Variants in CHIC1 observed in about 807,000 individuals in gnomAD.
CHIC1 encodes the protein cysteine-rich hydrophobic domain-containing protein 1.
A neutral mutation model predicts 18.5 loss-of-function variants in CHIC1; 7 were observed. The ratio of observed to expected loss-of-function variants is 0.38; its 90% CI spans 0.22 to 0.71. The LOEUF (loss-of-function observed/expected upper bound fraction) is 0.71, where lower values mean the gene tolerates loss of function less well. Among genes scored for constraint, CHIC1 ranks in the 30% least tolerant of loss-of-function variants. The pLI, the probability that CHIC1 is intolerant of heterozygous loss-of-function variation, is 0.49. For synonymous variants in CHIC1, 77 were observed against 73.5 expected, an observed-to-expected ratio of 1.05 and a Z score of -0.25; for missense variants, 159 against 176.9, an observed-to-expected ratio of 0.90 and a Z score of 0.57.
chrX:73,606,147 A>G (rs2057682589), intron 3 of CHIC1, among the ~76,000 whole-genome samples: 3 of 106,953 alleles, frequency 2.8e-5, no homozygotes, highest in Middle Eastern at 9.3e-3. Flanking sequence ...CTCTTTTTAC[A>G]TAGTCCCATG....
intron 3 of CHIC1, among the ~76,000 whole-genome samples, chrX:73,670,179 TG>T (rs2058023194): frequency 9.0e-6 from 1 of 111,004 alleles, no homozygotes; most frequent in Admixed American, 9.5e-5. Context: ...CTTGGCTCCA[TG>T]TCACTCCCAG....
At chrX:73,666,769 C>A (rs1376266519) in intron 3 of CHIC1, among the ~76,000 whole-genome samples, 1 of 112,128 alleles carries the variant, frequency 8.9e-6, no homozygotes, top group Non-Finnish European at 1.9e-5. Context: ...TGTTTTACTT[C>A]CAATTATGTG....
At chrX:73,670,806 G>T (rs765131170) in intron 3 of CHIC1, among the ~76,000 whole-genome samples, 1 of 111,301 alleles carries the variant, frequency 9.0e-6, no homozygotes, top group African/African-American at 3.3e-5. Flanking sequence ...TAATTTCCAT[G>T]TATTGGTACA....
intron 3 of CHIC1, among the ~76,000 whole-genome samples, chrX:73,598,285 C>T (rs1381170727): frequency 9.1e-6 from 1 of 109,647 alleles, no homozygotes; most frequent in Non-Finnish European, 1.9e-5. Flanking sequence ...ACCATTCTAA[C>T]TGGCATGAGA....
In CHIC1 at chrX:73,685,346, T is replaced by C. The variant is rs1266104931; in HGVS notation, c.*4341T>C. 9.0e-6 allele frequency: 1 copy of C among 111,509 alleles called. No homozygotes were observed. The highest frequency in any genetic ancestry group is 1.9e-5 in the Non-Finnish European group (1 of 52,930). 9.2% of individuals were successfully genotyped at this position (111,509 alleles called of 1,213,427 possible). ...GTGTCCTTTGCCTGTGTAGAATCTG[T>C]CTATGCAGTTGGTATTCAGGCAAGA... On this transcript the variant is annotated 3_prime_UTR_variant, in exon 6 of 6. Transcript: ENST00000373502.
chrX:73,654,243 T>C (rs901317472), intron 3 of CHIC1, among the ~76,000 whole-genome samples: 4 of 112,319 alleles, frequency 3.6e-5, no homozygotes, highest in African/African-American at 1.3e-4. Flanking sequence ...GTTTTTACTT[T>C]GAAGGTTGTT....
chrX:73,634,932 C>G (rs775841109), intron 3 of CHIC1, among the ~76,000 whole-genome samples: 4 of 111,116 alleles, frequency 3.6e-5, no homozygotes, highest in Non-Finnish European at 7.5e-5. Context: ...TTTTTACCCT[C>G]TTTAATGCAT....
chrX:73,615,301 G>A (rs1426170403), intron 3 of CHIC1, among the ~76,000 whole-genome samples: 2 of 111,614 alleles, frequency 1.8e-5, no homozygotes, highest in Non-Finnish European at 3.8e-5. Context: ...GTGTTAGCAG[G>A]TCCAGTCAAA....
intron 3 of CHIC1, among the ~76,000 whole-genome samples, chrX:73,676,114 T>C (rs1262569461): frequency 8.9e-6 from 1 of 112,330 alleles, no homozygotes; most frequent in Non-Finnish European, 1.9e-5. Context: ...GTTAGTCTGA[T>C]GGGCTTCCCT....
rs1298200558 is a variant in CHIC1 at position 73,683,237 on chromosome X, A to C, written c.*2232A>C. ...ACCACTTGTCAGCATGTGTAAACTT[A>C]ATTTTAAAGCCTATTCTAATCACTC... On this transcript the variant is annotated 3_prime_UTR_variant, in exon 6 of 6. Coordinates refer to ENST00000373502, the MANE Select transcript of CHIC1 (RefSeq NM_001039840.4). The C allele has an allele frequency of 9.0e-6, 1 of 111,532 alleles. No individual in the cohort carries two copies. Among genetic ancestry groups the C allele is most frequent in the African/African-American group, 3.2e-5 (1 of 30,823 alleles). 9.2% of individuals were successfully genotyped at this position (111,532 alleles called of 1,213,427 possible).
At chrX:73,623,652 AAACAAT>A (rs1394225138) in intron 3 of CHIC1, among the ~76,000 whole-genome samples, 2 of 110,894 alleles carry the variant, frequency 1.8e-5, no homozygotes, top group African/African-American at 6.5e-5. Flanking sequence ...ATCTAACTTA[AAACAAT>A]GTTTTAACCC....
At chrX:73,631,836 G>A (rs985889104) in intron 3 of CHIC1, among the ~76,000 whole-genome samples, 1 of 111,285 alleles carries the variant, frequency 9.0e-6, no homozygotes, top group Non-Finnish European at 1.9e-5. Context: ...CCACATATTT[G>A]TGAGTTTTCC....
intron 3 of CHIC1, among the ~76,000 whole-genome samples, chrX:73,624,409 A>T (rs960216743): frequency 1.7e-4 from 19 of 111,389 alleles, no homozygotes; most frequent in African/African-American, 6.2e-4. Flanking sequence ...TTAAAGAAAA[A>T]TTTTTTTAAT....
At chrX:73,644,964 C>T (rs772465348) in intron 3 of CHIC1, among the ~76,000 whole-genome samples, 8 of 112,376 alleles carry the variant, frequency 7.1e-5, no homozygotes, top group East Asian at 2.8e-4. Context: ...ACACCCGGTG[C>T]GCTGCACCCA....
At chrX:73,643,021 A>G (rs1467923357) in intron 3 of CHIC1, among the ~76,000 whole-genome samples, 1 of 111,725 alleles carries the variant, frequency 9.0e-6, no homozygotes, top group Non-Finnish European at 1.9e-5. Context: ...GTTCCTTTCC[A>G]TGTTTAGTGC....
At chrX:73,615,626 G>T (rs184598359) in intron 3 of CHIC1, among the ~76,000 whole-genome samples, 1 of 111,315 alleles carries the variant, frequency 9.0e-6, no homozygotes, top group Non-Finnish European at 1.9e-5. Flanking sequence ...GGGGTTGGCG[G>T]TCTCTAGGCT....
chrX:73,652,135 A>G (rs1416057514), intron 3 of CHIC1, among the ~76,000 whole-genome samples: 6 of 112,034 alleles, frequency 5.4e-5, no homozygotes, highest in African/African-American at 1.6e-4. Context: ...GCAACAGGGA[A>G]AGGATTTTCT....
intron 1 of CHIC1, among the ~76,000 whole-genome samples, chrX:73,576,573 T>A (rs1263389673): frequency 9.0e-6 from 1 of 110,667 alleles, no homozygotes. Flanking sequence ...GGTGAGTACA[T>A]AGTTATTGGT....
At chrX:73,639,073 G>C (rs1456086717) in intron 3 of CHIC1, among the ~76,000 whole-genome samples, 1 of 111,753 alleles carries the variant, frequency 8.9e-6, no homozygotes, top group East Asian at 2.8e-4. Flanking sequence ...AACAATGATT[G>C]TGTTTTAAGC....
Sources: gnomAD v4.1 joint callset for allele counts (sites outside exome capture counted in the v4.1 genomes callset) on GRCh38, gnomAD v4.1.1 for gene constraint, MANE v1.5 for transcripts, NCBI Gene and HGNC (gene_info 2026-07-23, HGNC 2026-07-21) for gene names.